Variants in GRXCR1 observed in about 807,000 individuals in gnomAD.
GRXCR1 encodes the protein glutaredoxin domain-containing cysteine-rich protein 1.
A neutral mutation model predicts 27.3 loss-of-function variants in GRXCR1; 27 were observed. The observed-to-expected ratio is 0.99, with a 90% CI of 0.73 to 1.37. The LOEUF is 1.37. Among genes scored for constraint, GRXCR1 ranks in the 40% most tolerant of loss-of-function variants. The pLI is 0.00. For missense variants in GRXCR1, 379 were observed against 354.4 expected (o/e 1.07, Z -0.56); for synonymous variants, 122 against 131.1 (o/e 0.93, Z 0.47).
chr4:42,977,726 T>TTGCAAATA (rs1748556947), intron 2 of GRXCR1, among the ~76,000 whole-genome samples: 3 of 152,216 alleles, frequency 2.0e-5, no homozygotes, highest in Admixed American at 2.0e-4. Flanking sequence ...GATGGATAGT[T>TTGCAAATA]TGCAAATATT....
In GRXCR1 at chr4:42,977,683, T is replaced by A. The variant is rs143389745; in HGVS notation, c.627+14549T>A. On this transcript the variant is annotated intron_variant, in intron 2 of 3. Coordinates refer to ENST00000399770, the MANE Select transcript of GRXCR1 (RefSeq NM_001080476.3). ...AAAAAAAATTGTTGAGTTTTTGGGT[T>A]CCTTGTATATTCTGGAAATTCATCC... 2.1e-4 allele frequency among the ~76,000 whole-genome samples: 32 copies of A among 152,190 alleles called. No individual in the cohort carries two copies. In the East Asian group the frequency reaches 6.2e-3, roughly 29 times the overall value.
chr4:43,019,405 A>G (rs1442252234), intron 2 of GRXCR1, among the ~76,000 whole-genome samples: 1 of 152,206 alleles, frequency 6.6e-6, no homozygotes, highest in East Asian at 1.9e-4. Flanking sequence ...AAAAATGTTT[A>G]GTGTGGGATT....
At chr4:43,000,870 G>A (rs189121282) in intron 2 of GRXCR1, among the ~76,000 whole-genome samples, 7 of 151,952 alleles carry the variant, frequency 4.6e-5, no homozygotes, top group African/African-American at 1.2e-4. Context: ...ATTTTTAGCC[G>A]TATACTTGGA....
At chr4:42,976,773 G>C (rs1290180658) in intron 2 of GRXCR1, among the ~76,000 whole-genome samples, 1 of 151,910 alleles carries the variant, frequency 6.6e-6, no homozygotes, top group Non-Finnish European at 1.5e-5. Context: ...GCTAAATCTA[G>C]CTAATTAACA....
At chr4:43,009,390 C>A (rs1712667109) in intron 2 of GRXCR1, among the ~76,000 whole-genome samples, 1 of 152,076 alleles carries the variant, frequency 6.6e-6, no homozygotes, top group African/African-American at 2.4e-5. Flanking sequence ...TCATGCTGTC[C>A]TCCAACTCTC....
intron 1 of GRXCR1, among the ~76,000 whole-genome samples, chr4:42,948,290 A>G (rs1486812174): frequency 6.6e-6 from 1 of 151,508 alleles, no homozygotes; most frequent in African/African-American, 2.4e-5. Flanking sequence ...AGAGATAGAA[A>G]CCAGTAGAAA....
intron 1 of GRXCR1, among the ~76,000 whole-genome samples, chr4:42,947,720 C>G (rs1283428665): frequency 6.6e-6 from 1 of 152,106 alleles, no homozygotes; most frequent in Non-Finnish European, 1.5e-5. Flanking sequence ...GAAACAATTC[C>G]CAATGTTTCC....
At chr4:42,912,212 C>T (rs866976263) in intron 1 of GRXCR1, among the ~76,000 whole-genome samples, 3 of 152,046 alleles carry the variant, frequency 2.0e-5, no homozygotes, top group Non-Finnish European at 4.4e-5. Context: ...AGGAGATTAT[C>T]CGGCATAAAT....
chr4:42,944,005 A>G (rs1272611241), intron 1 of GRXCR1, among the ~76,000 whole-genome samples: 2 of 152,112 alleles, frequency 1.3e-5, no homozygotes, highest in East Asian at 3.9e-4. Flanking sequence ...AAGACAGCAA[A>G]TAAGATTTGT....
At chr4:43,014,760 A>G (rs1039441029) in intron 2 of GRXCR1, among the ~76,000 whole-genome samples, 2 of 152,140 alleles carry the variant, frequency 1.3e-5, no homozygotes, top group African/African-American at 4.8e-5. Flanking sequence ...ATCATCAATC[A>G]CTAAAAGAAA....
chr4:42,965,524 A>G (rs1748217964), intron 2 of GRXCR1, among the ~76,000 whole-genome samples: 1 of 152,026 alleles, frequency 6.6e-6, no homozygotes, highest in Admixed American at 6.6e-5. Flanking sequence ...CATGCATCTG[A>G]AATGGAAGGA....
intron 2 of GRXCR1, among the ~76,000 whole-genome samples, chr4:42,972,611 C>A (rs1225244276): frequency 6.6e-6 from 1 of 152,142 alleles, no homozygotes; most frequent in African/African-American, 2.4e-5. Flanking sequence ...CTCTGCTAAG[C>A]ATGTTACATG....
chr4:42,971,415 AAT>A (rs1748384295), intron 2 of GRXCR1, among the ~76,000 whole-genome samples: 1 of 152,150 alleles, frequency 6.6e-6, no homozygotes, highest in Admixed American at 6.6e-5. Flanking sequence ...GAGACTGGGT[AAT>A]TTGTGAAAAA....
chr4:43,007,698 G>C (rs1172696411), intron 2 of GRXCR1, among the ~76,000 whole-genome samples: 1 of 152,218 alleles, frequency 6.6e-6, no homozygotes, highest in African/African-American at 2.4e-5. Context: ...TGAAAAATGA[G>C]AAGTCAAGGT....
intron 1 of GRXCR1, among the ~76,000 whole-genome samples, chr4:42,946,014 A>T (rs1407578485): frequency 6.6e-6 from 1 of 152,176 alleles, no homozygotes; most frequent in African/African-American, 2.4e-5. Context: ...ATTTGTTTGA[A>T]TATATCATGT....
At chr4:42,919,342 C>T (rs4269211) in intron 1 of GRXCR1, among the ~76,000 whole-genome samples, 43,585 of 151,974 alleles carry the variant, frequency 0.29, 6,790 homozygotes, top group African/African-American at 0.4. Flanking sequence ...ATACCTGGCC[C>T]ATGTCCTTCA....
intron 2 of GRXCR1, among the ~76,000 whole-genome samples, chr4:42,986,805 C>A (rs556380533): frequency 2.5e-4 from 38 of 152,022 alleles, no homozygotes; most frequent in Non-Finnish European, 4.3e-4. Context: ...GTAGTCCTCT[C>A]TCATGTGGGA....
At chr4:42,972,531 G>C (rs1203168754) in intron 2 of GRXCR1, among the ~76,000 whole-genome samples, 1 of 152,064 alleles carries the variant, frequency 6.6e-6, no homozygotes, top group African/African-American at 2.4e-5. Context: ...CCTTTTTCCT[G>C]GATAACTCAG....
chr4:42,937,021 A>G (rs1747476336), intron 1 of GRXCR1, among the ~76,000 whole-genome samples: 1 of 151,906 alleles, frequency 6.6e-6, no homozygotes, highest in Admixed American at 6.6e-5. Context: ...CACATTTACC[A>G]GGTGAGGAGT....
Sources: gnomAD v4.1 joint callset for allele counts (sites outside exome capture counted in the v4.1 genomes callset) on GRCh38, gnomAD v4.1.1 for gene constraint, MANE v1.5 for transcripts, NCBI Gene and HGNC (gene_info 2026-07-23, HGNC 2026-07-21) for gene names.